Variants in MTCL3 observed in about 807,000 individuals in gnomAD.
MTCL3 encodes the protein microtubule cross-linking factor 3.
the MTCL3 span, chr6:127,512,878 A>T: frequency 6.2e-7 from 1 of 1,605,296 alleles, no homozygotes; most frequent in East Asian, 2.2e-5. Flanking sequence ...CCATGAAATA[A>T]TCAAATACTA....
the MTCL3 span, among the ~76,000 whole-genome samples, chr6:127,495,321 A>G: frequency 2.0e-5 from 3 of 152,214 alleles, no homozygotes; most frequent in Non-Finnish European, 4.4e-5. Flanking sequence ...ATTGGGTTCT[A>G]ACCATCATTG....
chr6:127,514,442 C>T, the MTCL3 span, among the ~76,000 whole-genome samples: 5 of 152,230 alleles, frequency 3.3e-5, no homozygotes, highest in Non-Finnish European at 7.3e-5. Flanking sequence ...AGTGCAGCTC[C>T]TGACTGCCCG....
At chr6:127,514,722 C>T in the MTCL3 span, 1 of 905,604 alleles carries the variant, frequency 1.1e-6, no homozygotes, top group Non-Finnish European at 1.7e-6. Flanking sequence ...CCTAAGGCTC[C>T]TTGCCAGTCG....
the MTCL3 span, chr6:127,475,743 C>T: frequency 1.2e-5 from 19 of 1,599,220 alleles, no homozygotes; most frequent in Non-Finnish European, 1.6e-5. The surrounding 1 kb of genome is among the most constrained non-coding windows in gnomAD (Gnocchi z 7.3). Flanking sequence ...CGTCGTCGCT[C>T]TCCTTCTTGC....
the MTCL3 span, among the ~76,000 whole-genome samples, chr6:127,495,883 A>G: frequency 6.6e-6 from 1 of 152,182 alleles, no homozygotes; most frequent in African/African-American, 2.4e-5. Flanking sequence ...AAGAACGGGT[A>G]AAGTTGGGTC....
chr6:127,498,294 T>C, the MTCL3 span, among the ~76,000 whole-genome samples: 2 of 152,240 alleles, frequency 1.3e-5, no homozygotes, highest in South Asian at 4.1e-4. Context: ...TGAATAGATA[T>C]TGCACAAAAT....
At chr6:127,481,605 T>C in the MTCL3 span, 1 of 406,086 alleles carries the variant, frequency 2.5e-6, no homozygotes, top group Non-Finnish European at 3.3e-6. Flanking sequence ...TTAAAATCAC[T>C]TTAGTTAAAT....
At chr6:127,511,825 ATATTCT>A in the MTCL3 span, among the ~76,000 whole-genome samples, 1 of 152,254 alleles carries the variant, frequency 6.6e-6, no homozygotes, top group Non-Finnish European at 1.5e-5. Flanking sequence ...GTCCTAAGAC[ATATTCT>A]TAATCAGACT....
At chr6:127,478,061 A>G in the MTCL3 span, among the ~76,000 whole-genome samples, 1 of 152,238 alleles carries the variant, frequency 6.6e-6, no homozygotes, top group Non-Finnish European at 1.5e-5. Context: ...AAGGACTACC[A>G]GAAGAGATGA....
At chr6:127,515,993 C>T in the MTCL3 span, 8 of 1,598,936 alleles carry the variant, frequency 5.0e-6, no homozygotes, top group Non-Finnish European at 6.8e-6. This position sits in a 1 kb window ranked among gnomAD's most constrained non-coding sequence, Gnocchi z 4.3. Context: ...CCGCCGCTGC[C>T]GCCCCTCTGC....
At chr6:127,475,335 A>G in the MTCL3 span, 1 of 1,612,476 alleles carries the variant, frequency 6.2e-7, no homozygotes, top group Non-Finnish European at 8.5e-7. This position sits in a 1 kb window ranked among gnomAD's most constrained non-coding sequence, Gnocchi z 7.3. Flanking sequence ...GGTCGTCCGC[A>G]GACTTGGGCA....
the MTCL3 span, among the ~76,000 whole-genome samples, chr6:127,497,583 C>G: frequency 6.6e-6 from 1 of 152,100 alleles, no homozygotes; most frequent in African/African-American, 2.4e-5. Flanking sequence ...TCAAACAGGC[C>G]AGAACTAGCT....
the MTCL3 span, among the ~76,000 whole-genome samples, chr6:127,485,785 G>C: frequency 6.6e-6 from 1 of 152,152 alleles, no homozygotes; most frequent in East Asian, 1.9e-4. Flanking sequence ...AGCAAAAACA[G>C]TGGGCAGAAC....
chr6:127,513,060 G>T, the MTCL3 span: 2 of 1,597,704 alleles, frequency 1.3e-6, no homozygotes, highest in East Asian at 4.5e-5. Context: ...CTGAATTAAG[G>T]TGTTTGTAAC....
the MTCL3 span, chr6:127,475,321 C>T: frequency 1.2e-6 from 2 of 1,611,318 alleles, no homozygotes; most frequent in Admixed American, 3.3e-5. This position sits in a 1 kb window ranked among gnomAD's most constrained non-coding sequence, Gnocchi z 7.3. Flanking sequence ...CTCCTCGGCG[C>T]CGCGGTCGTC....
At chr6:127,509,053 G>A in the MTCL3 span, among the ~76,000 whole-genome samples, 1 of 152,302 alleles carries the variant, frequency 6.6e-6, no homozygotes, top group African/African-American at 2.4e-5. Context: ...AATGTTGAAA[G>A]ATAGAATGCC....
At chr6:127,512,457 G>C in the MTCL3 span, among the ~76,000 whole-genome samples, 7 of 152,098 alleles carry the variant, frequency 4.6e-5, no homozygotes, top group East Asian at 7.7e-4. Flanking sequence ...GCAATGAATG[G>C]ATTAGATCAA....
the MTCL3 span, among the ~76,000 whole-genome samples, chr6:127,499,828 G>A: frequency 2.0e-5 from 3 of 152,196 alleles, no homozygotes; most frequent in Non-Finnish European, 4.4e-5. Flanking sequence ...CTGACAGGTG[G>A]AAGGTGGGAG....
chr6:127,490,688 G>A, the MTCL3 span, among the ~76,000 whole-genome samples: 4 of 152,044 alleles, frequency 2.6e-5, no homozygotes, highest in East Asian at 5.8e-4. Context: ...GTAGTGATGC[G>A]TGCCTGTAGT....
Sources: gnomAD v4.1 joint callset for allele counts (sites outside exome capture counted in the v4.1 genomes callset) on GRCh38, gnomAD v4.1.1 for gene constraint, Gnocchi (gnomAD v3.1) non-coding constraint, MANE v1.5 for transcripts, NCBI Gene and HGNC (gene_info 2026-07-23, HGNC 2026-07-21) for gene names.